KCNK2: variants seen among roughly 807,000 people sequenced by gnomAD.
The protein encoded by KCNK2 is potassium channel subfamily K member 2.
A neutral mutation model predicts 40.5 loss-of-function variants in KCNK2; 21 were observed. The observed-to-expected ratio is 0.52, with a 90% CI of 0.37 to 0.75. The LOEUF is 0.75. KCNK2 is among the 30% of genes least tolerant of loss of function. The pLI is 0.00. For missense variants in KCNK2, 399 were observed against 531.6 expected (o/e 0.75, Z 2.45); for synonymous variants, 191 against 202.2 (o/e 0.94, Z 0.47).
In KCNK2 at chr1:215,235,262, G is replaced by C. The variant is rs957194877; in HGVS notation, c.*117G>C. 1 of 779,844 alleles carries C rather than the reference G, an allele frequency of 1.3e-6. No individual in the cohort carries two copies. Among genetic ancestry groups the C allele is most frequent in the Middle Eastern group, 2.9e-4 (1 of 3,406 alleles). The allele number at this position is 779,844 out of a possible 1,614,324, so 48.3% of individuals were successfully genotyped here. A position where few individuals can be genotyped will look rare whatever the true frequency, so the allele number is the denominator to read the frequency against. On this transcript the variant is annotated 3_prime_UTR_variant, in exon 7 of 7. Coordinates refer to ENST00000444842, the MANE Select transcript of KCNK2 (RefSeq NM_001017425.3). ...ATGAGCTCAAAGGGGGAACAAAATA[G>C]ATACACCCATCATGGTCATCTATCA...
intron 1 of KCNK2, among the ~76,000 whole-genome samples, chr1:215,025,324 A>G (rs1452947933): frequency 6.6e-6 from 1 of 152,066 alleles, no homozygotes; most frequent in Non-Finnish European, 1.5e-5. Context: ...ATGCATACAT[A>G]TGGACTTTTA....
intron 3 of KCNK2, among the ~76,000 whole-genome samples, chr1:215,167,616 G>A (rs7543935): frequency 0.048 from 7,367 of 152,156 alleles, 197 homozygotes; most frequent in Middle Eastern, 0.13. Context: ...CTTTAAAGAA[G>A]TTTAATAATT....
intron 5 of KCNK2, among the ~76,000 whole-genome samples, chr1:215,173,451 G>A (rs1194571753): frequency 6.6e-6 from 1 of 152,154 alleles, no homozygotes; most frequent in African/African-American, 2.4e-5. Flanking sequence ...TGTCTTTATA[G>A]CAGCATGATT....
At chr1:215,066,868 T>C (rs1658565815) in intron 1 of KCNK2, among the ~76,000 whole-genome samples, 1 of 152,200 alleles carries the variant, frequency 6.6e-6, no homozygotes, top group African/African-American at 2.4e-5. Flanking sequence ...TCAACATGCG[T>C]CAATCTTGAC....
rs562104126 is a variant in KCNK2 at position 215,123,867 on chromosome 1, AC to A, written c.358-761del. Among the ~76,000 whole-genome samples the A allele has an allele frequency of 2.3e-3, 349 of 151,988 alleles. 1 individual carries two copies. The highest frequency in any genetic ancestry group is 2.8e-3 in the Non-Finnish European group (187 of 67,948). On this transcript the variant is annotated intron_variant, in intron 2 of 6. Transcript: ENST00000444842. Reference sequence around the variant, plus strand: ...TATCTTTTGTGCTTCTCCTTCTCCAACCCCCACCTCCCAACATGGGATGATT... The same window carrying A: ...TATCTTTTGTGCTTCTCCTTCTCCAACCCCACCTCCCAACATGGGATGATT...
intron 6 of KCNK2, among the ~76,000 whole-genome samples, chr1:215,228,142 G>A (rs546224371): frequency 1.3e-4 from 20 of 152,166 alleles, no homozygotes; most frequent in Admixed American, 5.9e-4. Context: ...TGAAACAATC[G>A]GAAGGATGTG....
chr1:215,007,051 A>G (rs866924893), intron 1 of KCNK2, among the ~76,000 whole-genome samples: 4,234 of 94,328 alleles, frequency 0.045, 228 homozygotes, highest in African/African-American at 0.14. Context: ...GTGTGTGTGT[A>G]TATATATATG....
At chr1:215,163,683 G>A (rs1052839815) in intron 3 of KCNK2, among the ~76,000 whole-genome samples, 2 of 152,078 alleles carry the variant, frequency 1.3e-5, no homozygotes, top group African/African-American at 2.4e-5. Context: ...TAATCATGTG[G>A]TTTTTGTCAT....
chr1:215,046,697 A>G (rs569471937), intron 1 of KCNK2, among the ~76,000 whole-genome samples: 63 of 152,248 alleles, frequency 4.1e-4, no homozygotes, highest in Non-Finnish European at 7.9e-4. Flanking sequence ...TAAAATTTAG[A>G]AAAACAGAAA....
rs562612546 is a variant in KCNK2, at chr1:215,050,492, G to A, written c.35-35876G>A. On this transcript the variant is annotated intron_variant, in intron 1 of 6. Coordinates refer to the KCNK2 transcript ENST00000391895. ...ATAAAAACAAATAGATAAAGTTCCTGTACTTCGTTCATTCATATTTTAGTA... is the reference window on the plus strand; with the variant it reads ...ATAAAAACAAATAGATAAAGTTCCTATACTTCGTTCATTCATATTTTAGTA... Among the ~76,000 whole-genome samples the A allele has an allele frequency of 8.9e-4, 136 of 152,210 alleles. 1 individual carries two copies. The highest frequency in any genetic ancestry group is 1.4e-3 in the Non-Finnish European group (92 of 67,970).
intron 5 of KCNK2, among the ~76,000 whole-genome samples, chr1:215,173,642 A>C (rs1268683342): frequency 6.6e-6 from 1 of 152,090 alleles, no homozygotes; most frequent in East Asian, 1.9e-4. Context: ...TTGTTTCCTG[A>C]CTTTTTAATG....
At chr1:215,016,561 G>T (rs1656594180) in intron 1 of KCNK2, among the ~76,000 whole-genome samples, 1 of 152,072 alleles carries the variant, frequency 6.6e-6, no homozygotes, top group South Asian at 2.1e-4. Context: ...CATGCAGAAG[G>T]ATAAAATTAG....
At chr1:215,023,540 T>A (rs1475846306) in intron 1 of KCNK2, among the ~76,000 whole-genome samples, 1 of 152,182 alleles carries the variant, frequency 6.6e-6, no homozygotes, top group Non-Finnish European at 1.5e-5. Context: ...TGGACAACAA[T>A]CATAATCAAT....
At chr1:215,214,454 A>G (rs1665876322) in intron 6 of KCNK2, among the ~76,000 whole-genome samples, 1 of 152,208 alleles carries the variant, frequency 6.6e-6, no homozygotes, top group African/African-American at 2.4e-5. Flanking sequence ...ATACATACCC[A>G]AACCATATCA....
chr1:215,227,392 A>G (rs931461851), intron 6 of KCNK2, among the ~76,000 whole-genome samples: 2 of 152,208 alleles, frequency 1.3e-5, no homozygotes, highest in African/African-American at 2.4e-5. Context: ...TGGATGAGAG[A>G]AAAACAGGTA....
chr1:215,198,246 T>C (rs1664947074), intron 6 of KCNK2, among the ~76,000 whole-genome samples: 1 of 152,118 alleles, frequency 6.6e-6, no homozygotes, highest in Non-Finnish European at 1.5e-5. Context: ...CTCCCATGAG[T>C]CAAGGCTATG....
At chr1:215,175,137 GTCCC>G (rs1258603066) in intron 5 of KCNK2, among the ~76,000 whole-genome samples, 1 of 152,044 alleles carries the variant, frequency 6.6e-6, no homozygotes, top group African/African-American at 2.4e-5. Flanking sequence ...TTTGAGATAC[GTCCC>G]ATCAATGCCT....
rs1658548150 is a variant in KCNK2 at position 215,066,471 on chromosome 1, A to G, written c.35-19897A>G. 5.3e-5 allele frequency among the ~76,000 whole-genome samples: 2 copies of G among 37,698 alleles called. 1 individual carries two copies. The allele number at this position is 37,698 out of a possible 152,430, so 24.7% of individuals were successfully genotyped here. ...TAATAAAGACATAAATTAGACTGCT[A>G]AAAAAAATTAAAGAAATTTCAAAAG... On this transcript the variant is annotated intron_variant, in intron 1 of 6. Transcript: ENST00000391895.
upstream of KCNK2, chr1:215,005,849 G>C: frequency 7.1e-7 from 1 of 1,407,646 alleles, no homozygotes; most frequent in Middle Eastern, 1.8e-4. Context: ...TGGAAATTAC[G>C]GACAAGAAAC....
Sources: gnomAD v4.1 joint callset for allele counts (sites outside exome capture counted in the v4.1 genomes callset) on GRCh38, gnomAD v4.1.1 for gene constraint, MANE v1.5 for transcripts, NCBI Gene and HGNC (gene_info 2026-07-23, HGNC 2026-07-21) for gene names.